PRELID2: variants seen among roughly 807,000 people sequenced by gnomAD.
PRELID2 encodes the protein PRELI domain-containing protein 2.
Under a neutral mutation model 28.4 loss-of-function variants are expected in PRELID2, and 25 were observed. The ratio of observed to expected loss-of-function variants is 0.88; its 90% CI spans 0.64 to 1.23. The LOEUF (loss-of-function observed/expected upper bound fraction) is 1.23, where lower values mean the gene tolerates loss of function less well. PRELID2 is among the 50% of genes most tolerant of loss of function. The pLI is 0.00. For missense variants in PRELID2, 201 were observed against 214.4 expected (o/e 0.94, Z 0.39); for synonymous variants, 76 against 71.6 (o/e 1.06, Z -0.31).
the PRELID2 span, among the ~76,000 whole-genome samples, chr5:145,331,614 A>G: frequency 1.9e-4 from 28 of 150,844 alleles, no homozygotes; most frequent in Admixed American, 6.6e-4. Context: ...TTTGCTTTTC[A>G]TTTGCTTGGT....
At chr5:145,662,043 C>A (rs1002674244) in intron 1 of PRELID2, among the ~76,000 whole-genome samples, 2 of 152,028 alleles carry the variant, frequency 1.3e-5, no homozygotes, top group East Asian at 1.9e-4. Flanking sequence ...GTTTCCAAAT[C>A]ATTTTTCCCC....
chr5:145,549,355 C>G (rs996030811), intron 1 of PRELID2, among the ~76,000 whole-genome samples: 1 of 152,168 alleles, frequency 6.6e-6, no homozygotes, highest in Non-Finnish European at 1.5e-5. Context: ...AATAATTTTT[C>G]AAATTCTTAG....
chr5:145,515,468 C>T (rs915571671), intron 1 of PRELID2, among the ~76,000 whole-genome samples: 1 of 152,142 alleles, frequency 6.6e-6, no homozygotes, highest in African/African-American at 2.4e-5. Flanking sequence ...CTGAATAAAA[C>T]AATGACAAGT....
chr5:145,609,121 T>C (rs144201424), intron 1 of PRELID2, among the ~76,000 whole-genome samples: 3 of 152,218 alleles, frequency 2.0e-5, no homozygotes, highest in Admixed American at 6.5e-5. Flanking sequence ...TTCATTTTGG[T>C]TCTTTCCTAA....
intron 5 of PRELID2, among the ~76,000 whole-genome samples, chr5:145,774,623 C>G (rs893144703): frequency 6.6e-6 from 1 of 152,208 alleles, no homozygotes; most frequent in African/African-American, 2.4e-5. Context: ...TAGGAAATAC[C>G]AGCAGGGGCT....
At chr5:145,376,481 C>G in the PRELID2 span, among the ~76,000 whole-genome samples, 2 of 152,068 alleles carry the variant, frequency 1.3e-5, no homozygotes, top group African/African-American at 4.8e-5. Flanking sequence ...GGTACCAGCT[C>G]TTCTTTGTAC....
At chr5:145,274,601 A>G in the PRELID2 span, among the ~76,000 whole-genome samples, 2 of 152,180 alleles carry the variant, frequency 1.3e-5, no homozygotes, top group East Asian at 3.8e-4. Context: ...AGCCTGCTGG[A>G]GGTAATAAAT....
At chr5:145,412,205 C>CA in the PRELID2 span, among the ~76,000 whole-genome samples, 373 of 152,244 alleles carry the variant, frequency 2.5e-3, 2 homozygotes, top group Non-Finnish European at 2.7e-3. Context: ...ATTTCTCCCC[C>CA]AAAAATGGGT....
At chr5:145,430,444 C>T in the PRELID2 span, among the ~76,000 whole-genome samples, 73 of 152,252 alleles carry the variant, frequency 4.8e-4, no homozygotes, top group African/African-American at 1.6e-3. Flanking sequence ...GCAAGCGGCA[C>T]CTTCATGGAA....
At chr5:145,608,040 GTT>G (rs112958431) in intron 1 of PRELID2, among the ~76,000 whole-genome samples, 221 of 136,956 alleles carry the variant, frequency 1.6e-3, no homozygotes, top group African/African-American at 5.5e-3. Flanking sequence ...TTTAAAGCCC[GTT>G]TTTTTTTTTT....
At chr5:145,372,677 C>T in the PRELID2 span, among the ~76,000 whole-genome samples, 2 of 150,898 alleles carry the variant, frequency 1.3e-5, no homozygotes, top group Non-Finnish European at 3.0e-5. Context: ...ACCCCTGCTT[C>T]CTTTTGCTTT....
At chr5:145,245,822 C>G in the PRELID2 span, among the ~76,000 whole-genome samples, 36 of 152,158 alleles carry the variant, frequency 2.4e-4, no homozygotes, top group African/African-American at 7.9e-4. Context: ...TTCTCTTCAG[C>G]GTAAAATACA....
chr5:145,239,745 A>G, the PRELID2 span, among the ~76,000 whole-genome samples: 5 of 152,018 alleles, frequency 3.3e-5, no homozygotes, highest in East Asian at 3.9e-4. Flanking sequence ...AAGAAATTCT[A>G]TAAGCTTCTG....
At chr5:145,256,556 G>A in the PRELID2 span, among the ~76,000 whole-genome samples, 1 of 151,822 alleles carries the variant, frequency 6.6e-6, no homozygotes, top group Non-Finnish European at 1.5e-5. Context: ...CAAATCCCAG[G>A]AATTAGGGCA....
chr5:145,472,121 C>A (rs1250346487), exon 3 of PRELID2: 1 of 152,428 alleles, frequency 6.6e-6, no homozygotes, highest in Non-Finnish European at 1.5e-5. Flanking sequence ...CAATGGCCTC[C>A]AGAACATTTT....
chr5:145,415,621 T>C, the PRELID2 span, among the ~76,000 whole-genome samples: 1 of 150,942 alleles, frequency 6.6e-6, no homozygotes, highest in Non-Finnish European at 1.5e-5. Flanking sequence ...CATCATTTTT[T>C]ATGGCTGCAT....
intron 1 of PRELID2, among the ~76,000 whole-genome samples, chr5:145,677,761 G>A (rs946271075): frequency 6.6e-6 from 1 of 152,142 alleles, no homozygotes; most frequent in African/African-American, 2.4e-5. Context: ...CTCAAGCACT[G>A]GGGATAAAGT....
At chr5:145,267,005 T>G in the PRELID2 span, among the ~76,000 whole-genome samples, 13 of 152,050 alleles carry the variant, frequency 8.5e-5, no homozygotes, top group Admixed American at 7.2e-4. Flanking sequence ...AATGATACAA[T>G]GGACTTTGGG....
At chr5:145,410,974 C>G in the PRELID2 span, among the ~76,000 whole-genome samples, 1 of 151,962 alleles carries the variant, frequency 6.6e-6, no homozygotes, top group Admixed American at 6.6e-5. Flanking sequence ...AATGGTGGTA[C>G]AGGCATTGGG....
Sources: gnomAD v4.1 joint callset for allele counts (sites outside exome capture counted in the v4.1 genomes callset) on GRCh38, gnomAD v4.1.1 for gene constraint, MANE v1.5 for transcripts, NCBI Gene and HGNC (gene_info 2026-07-23, HGNC 2026-07-21) for gene names.